The following TMEM50B variants were observed in gnomAD, a reference collection of about 807,000 sequenced individuals.
TMEM50B encodes the protein transmembrane protein 50B, also known as HCV p7-trans-regulated protein 3.
In TMEM50B, 14 loss-of-function variants were observed where a neutral mutation model predicts 23.4. The ratio of observed to expected loss-of-function variants is 0.60; its 90% confidence interval spans 0.39 to 0.93. The LOEUF (loss-of-function observed/expected upper bound fraction) is 0.93. Ranked by LOEUF, TMEM50B falls within the 40% of genes least tolerant of loss-of-function variation. The pLI is 0.00. For missense variants in TMEM50B, 159 were observed against 193.0 expected (o/e 0.82, Z 1.04); for synonymous variants, 64 against 62.3 (o/e 1.03, Z -0.13).
intron 1 of TMEM50B, among the ~76,000 whole-genome samples, chr21:33,477,057 T>C (rs767640468): frequency 3.9e-5 from 6 of 152,062 alleles, no homozygotes; most frequent in Admixed American, 6.6e-5. Context: ...TCCCAGCACT[T>C]TGAGAGGCTG....
At chr21:33,470,519 C>CA (rs1349707684) in intron 1 of TMEM50B, among the ~76,000 whole-genome samples, 2 of 150,310 alleles carry the variant, frequency 1.3e-5, no homozygotes, top group East Asian at 3.9e-4. Context: ...ATCACGAAGT[C>CA]AGGAGATAGA....
chr21:33,447,423 G>A (rs2084072402), downstream of TMEM50B, among the ~76,000 whole-genome samples: 2 of 152,076 alleles, frequency 1.3e-5, no homozygotes, highest in Admixed American at 1.3e-4. Context: ...TCCAGCCTGG[G>A]CAAGAGTAAG....
intron 4 of TMEM50B, among the ~76,000 whole-genome samples, chr21:33,461,984 A>T (rs1423435660): frequency 6.6e-6 from 1 of 152,178 alleles, no homozygotes; most frequent in East Asian, 1.9e-4. Context: ...TAGCAAAAAA[A>T]TAAAACTGTA....
intron 2 of TMEM50B, 100 bp from the exon 3 acceptor site, chr21:33,467,222 G>A (rs1355818181): frequency 9.3e-7 from 1 of 1,078,304 alleles, no homozygotes; most frequent in Non-Finnish European, 1.4e-6. Context: ...TAAATGGGCT[G>A]GGTACAGAGG....
chr21:33,464,219 C>A (rs1368575487), intron 4 of TMEM50B, among the ~76,000 whole-genome samples: 1 of 142,242 alleles, frequency 7.0e-6, no homozygotes, highest in Non-Finnish European at 1.5e-5. Context: ...TTTTTTGAGA[C>A]GGAGTTTCAC....
chr21:33,460,168 C>T (rs182979823), intron 5 of TMEM50B, among the ~76,000 whole-genome samples: 1 of 152,282 alleles, frequency 6.6e-6, no homozygotes, highest in Admixed American at 6.5e-5. Context: ...AGAAGGAAAG[C>T]AGAAAGTCTG....
chr21:33,459,129 G>C (rs1162534385), intron 5 of TMEM50B, among the ~76,000 whole-genome samples: 1 of 152,200 alleles, frequency 6.6e-6, no homozygotes, highest in Non-Finnish European at 1.5e-5. Context: ...ACTGACTCCT[G>C]TCTTAGGAGC....
chr21:33,446,379 G>A (rs2084055237), downstream of TMEM50B, among the ~76,000 whole-genome samples: 1 of 151,114 alleles, frequency 6.6e-6, no homozygotes, highest in Non-Finnish European at 1.5e-5. Context: ...TGGGATTACA[G>A]GCATGTACCA....
At position 33,465,378 on chromosome 21, in the gene TMEM50B, C is replaced by G. The variant is rs1360580148; in HGVS notation, c.244G>C (p.Gly82Arg). ...INAVSNAQVRGDSYESGCLGR... is the reference protein window; with the variant it reads ...INAVSNAQVRRDSYESGCLGR... Reference sequence around the variant, plus strand: ...AAACAGCCGCTTTCATAGCTATCACCTCTCACCTGAGCATTGGATACAGCA... The same window carrying G: ...AAACAGCCGCTTTCATAGCTATCACGTCTCACCTGAGCATTGGATACAGCA... Residue 82 changes from glycine (G) to arginine (R), a missense_variant, in exon 4 of 7, where the codon GGT becomes CGT. By Grantham distance (125) the Gly-to-Arg change is moderately radical (BLOSUM62 -2). Coordinates refer to ENST00000542230, the MANE Select transcript of TMEM50B (RefSeq NM_006134.7). 1.2e-6 allele frequency: 2 copies of G among 1,613,162 alleles called. No homozygotes were observed. The highest frequency in any genetic ancestry group is 1.3e-5 in the African/African-American group (1 of 74,992).
intron 8 of TMEM50B, chr21:33,437,590 A>G (rs1443723726): frequency 6.6e-6 from 1 of 152,446 alleles, no homozygotes; most frequent in Admixed American, 6.6e-5. Flanking sequence ...ACTCAATCTA[A>G]ACTTGTTTTT....
Position 33,467,056 on chromosome 21 carries a change from G to A in TMEM50B, c.166C>T (p.His56Tyr). 1 of 1,614,152 alleles carries A rather than the reference G, an allele frequency of 6.2e-7. No individual in the cohort carries two copies. Among genetic ancestry groups the A allele is most frequent in the Admixed American group, 1.7e-5 (1 of 60,016 alleles). The change falls in exon 3 of 7, where the codon CAT becomes TAT. Residue 56 changes from histidine to tyrosine, a missense_variant. By Grantham distance (83) the His-to-Tyr change is moderately conservative. Coordinates refer to ENST00000542230, the MANE Select transcript of TMEM50B (RefSeq NM_006134.7). ...AATACACCACATGTGTGAAAGGCAT[G>A]GTTCAACTGTTCTGGCTTAGGATAC... ...VVYPKPEQLN[H>Y]AFHTCGVFST...
intron 1 of TMEM50B, among the ~76,000 whole-genome samples, chr21:33,478,034 C>T (rs1168730154): frequency 4.0e-5 from 6 of 151,524 alleles, no homozygotes; most frequent in Non-Finnish European, 8.8e-5. Flanking sequence ...ACTAGGGAGG[C>T]TGAGGCAGGA....
At chr21:33,474,313 A>G (rs1228611958) in intron 1 of TMEM50B, among the ~76,000 whole-genome samples, 1 of 152,122 alleles carries the variant, frequency 6.6e-6, no homozygotes, top group Non-Finnish European at 1.5e-5. Context: ...CTGAGATTAC[A>G]GGTGTGCACC....
intron 2 of TMEM50B, 107 bp downstream of exon 2, chr21:33,468,680 G>C: frequency 1.2e-6 from 1 of 819,230 alleles, no homozygotes; most frequent in South Asian, 1.6e-5. Context: ...CAAAACAGCA[G>C]TGAAATAAAT....
intron 1 of TMEM50B, among the ~76,000 whole-genome samples, chr21:33,478,137 AAAAT>A (rs886985517): frequency 1.2e-4 from 18 of 151,796 alleles, no homozygotes; most frequent in Non-Finnish European, 1.9e-4. Context: ...TCTGTCTCAA[AAAAT>A]AAATAAATAA....
chr21:33,451,149 AAT>A (rs745899819), intron 6 of TMEM50B, among the ~76,000 whole-genome samples: 5 of 152,226 alleles, frequency 3.3e-5, no homozygotes, highest in African/African-American at 7.2e-5. Context: ...CAAAAAAATG[AAT>A]CAATAAATCA....
At chr21:33,477,920 G>A (rs979415334) in intron 1 of TMEM50B, among the ~76,000 whole-genome samples, 2 of 151,700 alleles carry the variant, frequency 1.3e-5, no homozygotes, top group Non-Finnish European at 2.9e-5. Flanking sequence ...TGGATCACGA[G>A]GTCAGGAGAT....
chr21:33,454,920 C>T (rs993146816), intron 6 of TMEM50B, among the ~76,000 whole-genome samples: 14 of 152,040 alleles, frequency 9.2e-5, no homozygotes, highest in Admixed American at 7.9e-4. Flanking sequence ...AGTTCGAGAC[C>T]ACTCTGGGCA....
chr21:33,466,721 C>A (rs568527240), intron 3 of TMEM50B, among the ~76,000 whole-genome samples: 21 of 151,008 alleles, frequency 1.4e-4, no homozygotes, highest in Middle Eastern at 3.4e-3. Flanking sequence ...TATTAAAATG[C>A]GAAAAAGTAG....
Sources: gnomAD v4.1 joint callset for allele counts (sites outside exome capture counted in the v4.1 genomes callset) on GRCh38, gnomAD v4.1.1 for gene constraint, MANE v1.5 for transcripts, NCBI Gene and HGNC (gene_info 2026-07-23, HGNC 2026-07-21) for gene names.